Variants in ERBIN observed in about 807,000 individuals in gnomAD.
The protein encoded by ERBIN is densin-180-like protein.
Under a neutral mutation model 158.4 loss-of-function variants are expected in ERBIN, and 60 were observed. The observed-to-expected ratio is 0.38, with a 90% CI of 0.31 to 0.47. The LOEUF (loss-of-function observed/expected upper bound fraction) is 0.47, where lower values mean the gene tolerates loss of function less well. Among genes scored for constraint, ERBIN ranks in the 20% least tolerant of loss-of-function variants. The pLI is 0.99. For missense variants in ERBIN, 1,610 were observed against 1,648.0 expected (o/e 0.98, Z 0.40); for synonymous variants, 594 against 557.2 (o/e 1.07, Z -0.93).
chr5:65,953,281 A>G (rs925299283), intron 1 of ERBIN, among the ~76,000 whole-genome samples: 5 of 152,194 alleles, frequency 3.3e-5, no homozygotes, highest in Non-Finnish European at 5.9e-5. Flanking sequence ...TGGAGTACTG[A>G]TCTGGTGAAA....
intron 21 of ERBIN, 128 bp from the exon 22 acceptor site, chr5:66,072,040 TG>T: frequency 1.3e-6 from 1 of 790,166 alleles, no homozygotes; most frequent in Non-Finnish European, 2.0e-6. Flanking sequence ...ATGATGGCAG[TG>T]TTTGATTTGG....
At chr5:66,033,209 C>CTTTAT (rs1358374796) in intron 14 of ERBIN, among the ~76,000 whole-genome samples, 1 of 152,148 alleles carries the variant, frequency 6.6e-6, no homozygotes. Context: ...AATATATTCA[C>CTTTAT]TTTATTTTAA....
At chr5:66,074,072 T>TTA (rs1463596349) in intron 22 of ERBIN, among the ~76,000 whole-genome samples, 6 of 139,410 alleles carry the variant, frequency 4.3e-5, no homozygotes, top group African/African-American at 1.8e-4. Context: ...TTTTTTTTTT[T>TTA]AGAGATGGGG....
chr5:66,044,714 G>A (rs923345630), intron 17 of ERBIN, among the ~76,000 whole-genome samples: 3 of 151,800 alleles, frequency 2.0e-5, no homozygotes, highest in South Asian at 2.1e-4. Context: ...GCAGTGAGCC[G>A]AGATCGTACC....
rs200847060 is a variant in ERBIN, at chr5:65,965,382, G to GTTTTTTTT, written c.-57-23219_-57-23212dup. On this transcript the variant is annotated intron_variant, in intron 1 of 25. Transcript: ENST00000284037. ...GTTCTTACCAGATTTGTTTTTTGTTGTTTTTTTTTTTTTTTTTTTTTTTTT... is the reference window on the plus strand; with the variant it reads ...GTTCTTACCAGATTTGTTTTTTGTTGTTTTTTTTTTTTTTTTTTTTTTTTTTTTTTTTT... 5.0e-4 allele frequency among the ~76,000 whole-genome samples: 48 copies of GTTTTTTTT among 96,038 alleles called. 1 individual carries two copies. The highest frequency in any genetic ancestry group is 2.1e-3 in the East Asian group (6 of 2,818). 63.0% of individuals were successfully genotyped at this position (96,038 alleles called of 152,430 possible).
At chr5:66,045,170 GA>G (rs1758304916) in intron 17 of ERBIN, among the ~76,000 whole-genome samples, 2 of 152,044 alleles carry the variant, frequency 1.3e-5, no homozygotes, top group Non-Finnish European at 2.9e-5. Context: ...AGTGAGCTAT[GA>G]TCATGCCACA....
At position 66,050,785 on chromosome 5, in the gene ERBIN, G is replaced by T; in HGVS notation, c.1906G>T (p.Asp636Tyr). The part of the protein sequence containing the change: ...VVALSNNKKD[D>Y]TKETDSLSDE... ...ATCTTAAATTTGTTTTGTTTCAGAT[G>T]ATACAAAGGAAACAGATTCTTTATC... The change falls in exon 20 of 26, where the codon GAT (aspartate) becomes TAT (tyrosine). Residue 636 changes from aspartate to tyrosine, a missense_variant and splice_region_variant. Around this residue, in one of 2 missense-constraint regions of ERBIN, gnomAD observed 1,014 missense variants for 936.1 expected, o/e 1.08. Transcript: ENST00000284037. 1 of 1,520,332 alleles carries T rather than the reference G, an allele frequency of 6.6e-7. No individual in the cohort carries two copies. Among genetic ancestry groups the T allele is most frequent in the South Asian group, 1.3e-5 (1 of 77,056 alleles). The allele number at this position is 1,520,332 out of a possible 1,614,324, so 94.2% of individuals were successfully genotyped here.
chr5:65,940,654 G>GC (rs1373063508), intron 1 of ERBIN, among the ~76,000 whole-genome samples: 1 of 132,390 alleles, frequency 7.6e-6, no homozygotes, highest in East Asian at 2.2e-4. Context: ...TGGGGGGTCA[G>GC]CCCCCCGCCC....
intron 7 of ERBIN, among the ~76,000 whole-genome samples, chr5:66,017,161 TCAGATA>T (rs1211823581): frequency 1.3e-5 from 2 of 152,224 alleles, no homozygotes; most frequent in Middle Eastern, 3.4e-3. Flanking sequence ...ACATAGGAGT[TCAGATA>T]ACCCTTCAGT....
chr5:65,940,334 G>A (rs1377431077), intron 1 of ERBIN, among the ~76,000 whole-genome samples: 2 of 148,046 alleles, frequency 1.4e-5, no homozygotes, highest in African/African-American at 2.6e-5. Context: ...TGAGAAGTGA[G>A]GAGCCCCTCC....
At chr5:66,026,444 G>A in intron 13 of ERBIN, 27 bp downstream of exon 13, 1 of 1,251,906 alleles carries the variant, frequency 8.0e-7, no homozygotes, top group East Asian at 2.5e-5. Context: ...TCATCAGTTG[G>A]TTTATAGGAG....
intron 1 of ERBIN, among the ~76,000 whole-genome samples, chr5:65,931,120 C>T (rs1743326081): frequency 6.6e-6 from 1 of 152,136 alleles, no homozygotes; most frequent in East Asian, 1.9e-4. Context: ...GCTTTAAAAG[C>T]ATATTGAATG....
chr5:65,952,881 CAA>C (rs1274005085), intron 1 of ERBIN, among the ~76,000 whole-genome samples: 2 of 152,052 alleles, frequency 1.3e-5, no homozygotes, highest in African/African-American at 4.8e-5. Context: ...GGTCTAGGAA[CAA>C]GAGTACAAAT....
intron 25 of ERBIN, among the ~76,000 whole-genome samples, chr5:66,077,960 G>T (rs918608897): frequency 1.3e-5 from 2 of 152,118 alleles, no homozygotes; most frequent in Non-Finnish European, 2.9e-5. Flanking sequence ...AGCATTATGA[G>T]AATCAAAGGA....
intron 21 of ERBIN, among the ~76,000 whole-genome samples, chr5:66,057,122 A>T (rs988132532): frequency 7.9e-5 from 12 of 152,232 alleles, no homozygotes; most frequent in African/African-American, 1.9e-4. Flanking sequence ...TTTCAAAAAA[A>T]TTTTTTAAAA....
At chr5:66,011,567 A>G (rs1280355604) in intron 4 of ERBIN, among the ~76,000 whole-genome samples, 3 of 152,122 alleles carry the variant, frequency 2.0e-5, no homozygotes, top group African/African-American at 7.2e-5. Context: ...GGCGCCTGTA[A>G]TCTCAGCTAT....
chr5:66,029,644 C>T (rs555874248), intron 14 of ERBIN, among the ~76,000 whole-genome samples: 47 of 152,214 alleles, frequency 3.1e-4, no homozygotes, highest in South Asian at 6.2e-4. Flanking sequence ...CTCGCTCTGC[C>T]GCCAGGCTGG....
intron 1 of ERBIN, among the ~76,000 whole-genome samples, chr5:65,947,584 T>C (rs1350915495): frequency 6.6e-6 from 1 of 152,212 alleles, no homozygotes; most frequent in Admixed American, 6.5e-5. Context: ...TACTTTTAAG[T>C]AATTTAACAT....
chr5:65,962,334 A>G (rs1343713990), intron 1 of ERBIN, among the ~76,000 whole-genome samples: 2 of 152,186 alleles, frequency 1.3e-5, no homozygotes, highest in Non-Finnish European at 2.9e-5. Flanking sequence ...CTATTAAGCT[A>G]CTAGAAAAAT....
Sources: allele counts gnomAD v4.1 joint callset (sites outside exome capture counted in the v4.1 genomes callset), GRCh38; gene constraint gnomAD v4.1.1; regional missense constraint gnomAD v4.1.1; transcripts MANE v1.5; gene names NCBI Gene and HGNC (gene_info 2026-07-23, HGNC 2026-07-21).